The following PTP4A1 variants were observed in gnomAD, a reference collection of about 807,000 sequenced individuals.
PTP4A1 encodes protein tyrosine phosphatase 4A1.
PTP4A1 carries 9 observed loss-of-function variants against 20.5 expected under a neutral mutation model. The observed-to-expected ratio is 0.44, with a 90% CI of 0.26 to 0.77. The LOEUF (loss-of-function observed/expected upper bound fraction) is 0.77. Among genes scored for constraint, PTP4A1 ranks in the 30% least tolerant of loss-of-function variants. The pLI is 0.19. For synonymous variants in PTP4A1, 78 were observed against 67.4 expected, an observed-to-expected ratio of 1.16 and a Z score of -0.77; for missense variants, 137 against 218.8, an observed-to-expected ratio of 0.63 and a Z score of 2.36.
intron 2 of PTP4A1, among the ~76,000 whole-genome samples, chr6:63,534,589 A>G (rs1775621568): frequency 6.6e-6 from 1 of 152,062 alleles, no homozygotes; most frequent in Non-Finnish European, 1.5e-5. Flanking sequence ...CTGAGGCTAG[A>G]GAATTGCTTG....
chr6:63,522,221 A>T (rs1774955429), intron 1 of PTP4A1, among the ~76,000 whole-genome samples: 1 of 152,208 alleles, frequency 6.6e-6, no homozygotes. Flanking sequence ...AAGTATTTTA[A>T]GGGCTACAAT....
intron 1 of PTP4A1, among the ~76,000 whole-genome samples, chr6:63,526,826 TATATATA>T (rs1775205746): frequency 1.4e-5 from 2 of 143,436 alleles, no homozygotes; most frequent in African/African-American, 5.2e-5. Flanking sequence ...TATATATATA[TATATATA>T]TATTTATTTA....
intron 1 of PTP4A1, among the ~76,000 whole-genome samples, chr6:63,523,479 C>G (rs1210059029): frequency 6.6e-6 from 1 of 151,978 alleles, no homozygotes; most frequent in African/African-American, 2.4e-5. Flanking sequence ...CCACTGCACT[C>G]TAGCCTGGGC....
At chr6:63,523,477 C>T (rs993085484) in intron 1 of PTP4A1, among the ~76,000 whole-genome samples, 1 of 151,992 alleles carries the variant, frequency 6.6e-6, no homozygotes, top group African/African-American at 2.4e-5. Flanking sequence ...TGCCACTGCA[C>T]TCTAGCCTGG....
rs1187090437 is a variant in PTP4A1, at chr6:63,582,703, T to C, written c.*2529T>C. ...GCAACCATAATGTTGATGTAAGTAA[T>C]GCGGTTACTGAATCATAAGAAAATG... is the stretch of plus-strand genomic sequence containing the variant. On this transcript the variant is annotated 3_prime_UTR_variant, in exon 6 of 6. Coordinates refer to ENST00000626021, the MANE Select transcript of PTP4A1 (RefSeq NM_003463.5). 6.6e-6 allele frequency: 1 copy of C among 152,212 alleles called. No individual in the cohort carries two copies. Among genetic ancestry groups the C allele is most frequent in the East Asian group, 1.9e-4 (1 of 5,194 alleles). The allele number at this position is 152,212 out of a possible 1,614,324, so 9.4% of individuals were successfully genotyped here.
At position 63,576,723 on chromosome 6, in the gene PTP4A1, G is replaced by A. The variant is rs1777887493; in HGVS notation, c.-158G>A. ...AAGAATTGCTGCTTCTTGTTAGGAGGTTCATTTCACTTATCATTACTTACA... is the reference window on the plus strand; with the variant it reads ...AAGAATTGCTGCTTCTTGTTAGGAGATTCATTTCACTTATCATTACTTACA... On this transcript the variant is annotated 5_prime_UTR_variant, in exon 2 of 6. Transcript: ENST00000626021. The A allele has an allele frequency of 1.6e-6, 1 of 632,828 alleles. No homozygotes were observed. Among genetic ancestry groups the A allele is most frequent in the African/African-American group, 1.9e-5 (1 of 53,888 alleles). 39.2% of individuals were successfully genotyped at this position (632,828 alleles called of 1,614,324 possible). A position where few individuals can be genotyped will look rare whatever the true frequency, so the allele number is the denominator to read the frequency against.
At chr6:63,571,150 CA>C (rs1260373367), upstream of PTP4A1, 3 of 151,994 alleles carry the variant, frequency 2.0e-5, no homozygotes, top group African/African-American at 4.8e-5. Flanking sequence ...AAGTCTGGCC[CA>C]GGATTTTGTT....
chr6:63,526,833 A>ATATTTATT (rs1287951488), intron 1 of PTP4A1, among the ~76,000 whole-genome samples: 8 of 128,034 alleles, frequency 6.2e-5, no homozygotes, highest in Non-Finnish European at 9.8e-5. Context: ...ATATATATAT[A>ATATTTATT]TATTTATTTA....
At chr6:63,522,224 G>T (rs904044907) in intron 1 of PTP4A1, among the ~76,000 whole-genome samples, 1 of 152,030 alleles carries the variant, frequency 6.6e-6, no homozygotes, top group Non-Finnish European at 1.5e-5. Context: ...TATTTTAAGG[G>T]CTACAATATA....
chr6:63,577,280 T>C (rs1330884372), intron 2 of PTP4A1, among the ~76,000 whole-genome samples: 1 of 152,170 alleles, frequency 6.6e-6, no homozygotes, highest in Non-Finnish European at 1.5e-5. Context: ...AGGTTGCCAT[T>C]TATGGATTTT....
intron 3 of PTP4A1, among the ~76,000 whole-genome samples, chr6:63,563,932 TTGAG>T (rs1333366033): frequency 6.6e-6 from 1 of 152,214 alleles, no homozygotes; most frequent in Non-Finnish European, 1.5e-5. Context: ...TAAATAGTGG[TTGAG>T]TATTTACTAT....
At chr6:63,560,354 A>AAAAAAAAAAAAG (rs1776886941) in intron 3 of PTP4A1, among the ~76,000 whole-genome samples, 1 of 149,734 alleles carries the variant, frequency 6.7e-6, no homozygotes, top group African/African-American at 2.5e-5. Flanking sequence ...AAAAAAAAAA[A>AAAAAAAAAAAAG]AAAGAAAGAA....
At chr6:63,527,373 T>G (rs1298647420) in intron 1 of PTP4A1, among the ~76,000 whole-genome samples, 1 of 152,286 alleles carries the variant, frequency 6.6e-6, no homozygotes, top group South Asian at 2.1e-4. Context: ...AGACCTTGCA[T>G]AGAATATTGA....
intron 2 of PTP4A1, among the ~76,000 whole-genome samples, chr6:63,538,813 C>T (rs1449597600): frequency 6.6e-6 from 1 of 152,182 alleles, no homozygotes; most frequent in Non-Finnish European, 1.5e-5. Flanking sequence ...GCCAATTTTG[C>T]ATTTCTAACA....
At chr6:63,518,978 T>C (rs190837694), upstream of PTP4A1, among the ~76,000 whole-genome samples, 1 of 152,278 alleles carries the variant, frequency 6.6e-6, no homozygotes, top group East Asian at 1.9e-4. Context: ...CATATTAATA[T>C]CACTGTAGTA....
intron 3 of PTP4A1, among the ~76,000 whole-genome samples, chr6:63,566,960 C>T (rs1420637843): frequency 4.6e-5 from 7 of 152,214 alleles, no homozygotes; most frequent in Admixed American, 2.6e-4. Context: ...CAAGAAACCA[C>T]TCTCTTTTCT....
intron 1 of PTP4A1, among the ~76,000 whole-genome samples, chr6:63,523,522 A>T (rs1775028799): frequency 6.6e-6 from 1 of 152,126 alleles, no homozygotes. Context: ...AAAATAAATA[A>T]ATAAATAAAT....
At chr6:63,534,368 T>C (rs1323441585) in intron 2 of PTP4A1, among the ~76,000 whole-genome samples, 2 of 152,014 alleles carry the variant, frequency 1.3e-5, no homozygotes, top group African/African-American at 2.4e-5. Flanking sequence ...TCTGAGGACA[T>C]TTGAATACAG....
At chr6:63,567,241 T>C (rs1486524835) in intron 3 of PTP4A1, among the ~76,000 whole-genome samples, 1 of 152,234 alleles carries the variant, frequency 6.6e-6, no homozygotes, top group East Asian at 1.9e-4. Flanking sequence ...ATGTTTTTGG[T>C]TTACTTTGCT....
Sources: gnomAD v4.1 joint callset for allele counts (sites outside exome capture counted in the v4.1 genomes callset) on GRCh38, gnomAD v4.1.1 for gene constraint, MANE v1.5 for transcripts, NCBI Gene and HGNC (gene_info 2026-07-23, HGNC 2026-07-21) for gene names.